LDB2: variants seen among roughly 807,000 people sequenced by gnomAD.
The protein encoded by LDB2 is LIM domain binding 2, also known as LIM domain-binding protein 2.
A neutral mutation model predicts 44.3 loss-of-function variants in LDB2; 12 were observed. The observed-to-expected ratio is 0.27, with a 90% CI of 0.17 to 0.44. The LOEUF is 0.44. Ranked by LOEUF, LDB2 falls within the 20% of genes least tolerant of loss-of-function variation. LDB2 has a pLI of 1.00. For synonymous variants in LDB2, 164 were observed against 174.8 expected, an observed-to-expected ratio of 0.94 and a Z score of 0.49; for missense variants, 344 against 473.5, an observed-to-expected ratio of 0.73 and a Z score of 2.54.
intron 5 of LDB2, among the ~76,000 whole-genome samples, chr4:16,545,113 TTCCTCCC>T (rs1209015891): frequency 2.0e-5 from 3 of 151,882 alleles, no homozygotes; most frequent in African/African-American, 7.3e-5. Context: ...CCTGCTCTCC[TTCCTCCC>T]TCCCTCCCGC....
chr4:16,753,060 A>G (rs1160510716), intron 2 of LDB2, among the ~76,000 whole-genome samples: 1 of 152,218 alleles, frequency 6.6e-6, no homozygotes, highest in Non-Finnish European at 1.5e-5. Context: ...ATTCCTAGAA[A>G]AAACACACAC....
intron 2 of LDB2, among the ~76,000 whole-genome samples, chr4:16,699,117 A>T (rs1752851202): frequency 6.6e-6 from 1 of 152,216 alleles, no homozygotes; most frequent in Admixed American, 6.5e-5. Context: ...GCAGAGAGCA[A>T]AATAAAGAGA....
intron 7 of LDB2, among the ~76,000 whole-genome samples, chr4:16,505,504 T>C (rs1719041167): frequency 6.6e-6 from 1 of 152,174 alleles, no homozygotes; most frequent in African/African-American, 2.4e-5. Context: ...TAGACTAGGA[T>C]AGTGATTATC....
At position 16,502,511 on chromosome 4, in the gene LDB2, C is replaced by T; in HGVS notation, c.*132G>A. The T allele has an allele frequency of 1.7e-6, 2 of 1,204,818 alleles. No homozygotes were observed. Among genetic ancestry groups the T allele is most frequent in the Non-Finnish European group, 2.4e-6 (2 of 847,974 alleles). 74.6% of individuals were successfully genotyped at this position (1,204,818 alleles called of 1,614,324 possible). ...AAAGAAAGAAGAAAGAAAATCAGAT[C>T]ATTGTGGTTTAGAAATAGATATTTG... On this transcript the variant is annotated 3_prime_UTR_variant, in exon 8 of 8. Transcript: ENST00000304523.
intron 5 of LDB2, among the ~76,000 whole-genome samples, chr4:16,556,575 A>T (rs941249310): frequency 5.9e-5 from 9 of 152,218 alleles, no homozygotes; most frequent in African/African-American, 2.2e-4. Flanking sequence ...AAGACTGTTT[A>T]TTCACATAGT....
chr4:16,732,750 C>T (rs546627555), intron 2 of LDB2, among the ~76,000 whole-genome samples: 24 of 152,274 alleles, frequency 1.6e-4, no homozygotes, highest in African/African-American at 4.3e-4. Context: ...TCTGAAGGAT[C>T]GGCTGTTAGG....
At chr4:16,695,114 G>A (rs80174107) in intron 2 of LDB2, among the ~76,000 whole-genome samples, 31 of 152,296 alleles carry the variant, frequency 2.0e-4, no homozygotes, top group African/African-American at 7.5e-4. Flanking sequence ...ACCTCAAGAG[G>A]GGGCTTCAGC....
intron 1 of LDB2, among the ~76,000 whole-genome samples, chr4:16,816,407 C>CTTTTTTTT (rs1171864969): frequency 3.3e-5 from 4 of 121,016 alleles, no homozygotes; most frequent in African/African-American, 6.5e-5. Flanking sequence ...CTTTTTCTTT[C>CTTTTTTTT]TTTTTTTTTT....
At chr4:16,568,604 T>A (rs762741277) in intron 5 of LDB2, among the ~76,000 whole-genome samples, 1 of 152,140 alleles carries the variant, frequency 6.6e-6, no homozygotes, top group South Asian at 2.1e-4. Flanking sequence ...AATGTACTCA[T>A]CCCTCAGCAT....
At chr4:16,585,883 C>G in intron 5 of LDB2, 39 bp downstream of exon 5, 4 of 1,543,066 alleles carry the variant, frequency 2.6e-6, no homozygotes, top group Non-Finnish European at 3.6e-6. Flanking sequence ...GAGTACTTTT[C>G]AAACTCACCA....
intron 5 of LDB2, among the ~76,000 whole-genome samples, chr4:16,536,673 G>A (rs1731985633): frequency 6.6e-6 from 1 of 152,162 alleles, no homozygotes; most frequent in African/African-American, 2.4e-5. Context: ...TGCCACCGTT[G>A]GGAATCACAT....
At chr4:16,813,582 A>G (rs1455496051) in intron 1 of LDB2, among the ~76,000 whole-genome samples, 4 of 152,118 alleles carry the variant, frequency 2.6e-5, no homozygotes, top group African/African-American at 7.2e-5. Context: ...CTGCATTTAT[A>G]TGATATTTTT....
chr4:16,813,475 C>T (rs1205382101), intron 1 of LDB2, among the ~76,000 whole-genome samples: 2 of 152,126 alleles, frequency 1.3e-5, no homozygotes, highest in East Asian at 3.9e-4. Flanking sequence ...AGAAAGTCAC[C>T]TTTATATGTT....
At chr4:16,710,716 C>T (rs1207823392) in intron 2 of LDB2, among the ~76,000 whole-genome samples, 2 of 152,196 alleles carry the variant, frequency 1.3e-5, no homozygotes, top group Non-Finnish European at 2.9e-5. Context: ...GCATCCAACT[C>T]AGAAACATAT....
At chr4:16,835,860 C>T (rs1784806009) in intron 1 of LDB2, among the ~76,000 whole-genome samples, 1 of 152,184 alleles carries the variant, frequency 6.6e-6, no homozygotes, top group Non-Finnish European at 1.5e-5. Context: ...TGGGAACTCT[C>T]CTTCCTGCTC....
intron 1 of LDB2, among the ~76,000 whole-genome samples, chr4:16,782,641 C>CGT (rs1773550879): frequency 6.6e-6 from 1 of 151,712 alleles, no homozygotes; most frequent in East Asian, 2.0e-4. Context: ...TGAGCCACCA[C>CGT]GCCCAGCAAA....
At chr4:16,796,216 C>T (rs775076823) in intron 1 of LDB2, among the ~76,000 whole-genome samples, 6 of 152,056 alleles carry the variant, frequency 3.9e-5, no homozygotes, top group African/African-American at 1.2e-4. Flanking sequence ...GCCAAGAAGA[C>T]GAAGGTTGCA....
intron 1 of LDB2, among the ~76,000 whole-genome samples, chr4:16,872,023 C>T (rs1716821254): frequency 6.6e-6 from 1 of 151,996 alleles, no homozygotes; most frequent in Non-Finnish European, 1.5e-5. Flanking sequence ...AATTAATTGG[C>T]TATACAGAAT....
intron 5 of LDB2, among the ~76,000 whole-genome samples, chr4:16,546,773 A>G (rs1452525706): frequency 6.6e-6 from 1 of 152,164 alleles, no homozygotes; most frequent in Non-Finnish European, 1.5e-5. Context: ...CTTTTCATAT[A>G]TAAAACTCCT....
Sources: gnomAD v4.1 joint callset for allele counts (sites outside exome capture counted in the v4.1 genomes callset) on GRCh38, gnomAD v4.1.1 for gene constraint, MANE v1.5 for transcripts, NCBI Gene and HGNC (gene_info 2026-07-23, HGNC 2026-07-21) for gene names.